The following EHMT1 variants were observed in gnomAD, a reference collection of about 807,000 sequenced individuals.
The protein encoded by EHMT1 is histone-lysine N-methyltransferase EHMT1.
In EHMT1, 15 loss-of-function variants were observed where a neutral mutation model predicts 147.2. The observed-to-expected ratio is 0.10, with a 90% confidence interval of 0.07 to 0.16. The LOEUF is 0.16. EHMT1 is among the 10% of genes least tolerant of loss of function. The pLI is 1.00. For missense variants in EHMT1, 1,587 were observed against 1,772.4 expected (o/e 0.90, Z 1.88); for synonymous variants, 795 against 709.6 (o/e 1.12, Z -1.91).
At chr9:137,729,053 G>A (rs1458392752) in intron 4 of EHMT1, among the ~76,000 whole-genome samples, 3 of 152,188 alleles carry the variant, frequency 2.0e-5, no homozygotes, top group African/African-American at 7.2e-5. Context: ...GAGGTGCTGG[G>A]AGGGCACCGG....
chr9:137,783,668 G>A (rs1199300099), intron 15 of EHMT1, among the ~76,000 whole-genome samples: 1 of 152,122 alleles, frequency 6.6e-6, no homozygotes, highest in African/African-American at 2.4e-5. Flanking sequence ...GGGCCCCCAG[G>A]CCCCACTGTC....
chr9:137,661,545 G>A (rs1338948815), intron 1 of EHMT1, among the ~76,000 whole-genome samples: 1 of 150,340 alleles, frequency 6.7e-6, no homozygotes, highest in Non-Finnish European at 1.5e-5. Flanking sequence ...GAGTGCAGTG[G>A]CGCAATCTCG....
Position 137,671,031 on chromosome 9 carries a change from TA to T in EHMT1, c.22-39934del, listed in dbSNP as rs1414410492. ...AAGCCGCTGTGCACGTGGTTGAATG[TA>T]ACAGAGGGCTGTCCCGGGCCGTGAG... On this transcript the variant is annotated intron_variant, in intron 1 of 26. Coordinates refer to ENST00000460843, the MANE Select transcript of EHMT1 (RefSeq NM_024757.5). Among the ~76,000 whole-genome samples, 4 of 152,208 alleles carry T rather than the reference TA, an allele frequency of 2.6e-5. No individual in the cohort carries two copies. In the East Asian group the frequency reaches 7.7e-4, roughly 29 times the overall value.
intron 16 of EHMT1, among the ~76,000 whole-genome samples, chr9:137,794,116 C>T (rs1396635514): frequency 6.6e-6 from 1 of 152,154 alleles, no homozygotes; most frequent in Non-Finnish European, 1.5e-5. Context: ...ACTCCTGCCT[C>T]ATGTCACATT....
intron 1 of EHMT1, among the ~76,000 whole-genome samples, chr9:137,702,132 G>A (rs1943891871): frequency 6.6e-6 from 1 of 152,052 alleles, no homozygotes; most frequent in Non-Finnish European, 1.5e-5. Context: ...GTTTCACCAT[G>A]TTGGTCAGGC....
intron 1 of EHMT1, among the ~76,000 whole-genome samples, chr9:137,623,662 C>T (rs556595789): frequency 3.3e-5 from 5 of 152,250 alleles, no homozygotes. Flanking sequence ...CTCAGGTGAC[C>T]TGCCCACTTC....
intron 1 of EHMT1, among the ~76,000 whole-genome samples, chr9:137,643,453 G>T (rs1844650366): frequency 6.7e-6 from 1 of 148,730 alleles, no homozygotes; most frequent in South Asian, 2.1e-4. Flanking sequence ...CCATCCTCCT[G>T]CCTCAGCCTT....
rs1950960859 is a variant in EHMT1, at chr9:137,776,413, T to G, written c.1792-205T>G. On this transcript the variant is annotated intron_variant, in intron 11 of 26. Coordinates refer to ENST00000460843, the MANE Select transcript of EHMT1 (RefSeq NM_024757.5). The surrounding 1 kb of genome is among the most constrained non-coding windows in gnomAD (Gnocchi z 4.4). ...AAGTGACCTCTGTCTGGCTTCAGCT[T>G]CTTCTCTGTGGGGCGAGAGCACCAC... 1.9e-6 allele frequency: 1 copy of G among 537,334 alleles called. No individual in the cohort carries two copies. The allele number at this position is 537,334 out of a possible 1,614,324, so 33.3% of individuals were successfully genotyped here.
At chr9:137,829,088 C>T (rs1203118885) in intron 25 of EHMT1, among the ~76,000 whole-genome samples, 6 of 152,220 alleles carry the variant, frequency 3.9e-5, no homozygotes, top group Admixed American at 2.0e-4. Context: ...GTCTCACAGA[C>T]GTTGCCACTG....
intron 17 of EHMT1, 67 bp from the exon 18 acceptor site, chr9:137,800,813 G>T: frequency 7.0e-7 from 1 of 1,425,970 alleles, no homozygotes; most frequent in Non-Finnish European, 9.9e-7. Flanking sequence ...CTCGGCGTGG[G>T]AGTCCTCATT....
At chr9:137,798,123 C>T (rs1286143264) in intron 16 of EHMT1, among the ~76,000 whole-genome samples, 1 of 152,176 alleles carries the variant, frequency 6.6e-6, no homozygotes, top group Non-Finnish European at 1.5e-5. Context: ...GCCTGTAATC[C>T]CAGCACTGTA....
At position 137,813,009 on chromosome 9, in the gene EHMT1, C is replaced by G. The variant is rs1200280724; in HGVS notation, c.2871C>G (p.Leu957=). The change falls in exon 20 of 27, where the codon CTC becomes CTG. Residue 957 remains leucine (L), a synonymous_variant. Transcript: ENST00000460843. The surrounding 1 kb of genome is among the most constrained non-coding windows in gnomAD (Gnocchi z 4.9). The part of the protein sequence containing the change: ...ARENRYDCVV[L]FLSRDSDVTL... ...GGCCTTACATTTTCCCTTTTAGCCT[C>G]TTTCTTTCTCGGGATTCAGATGTCA... 9 of 1,613,938 alleles carry G rather than the reference C, an allele frequency of 5.6e-6. No individual in the cohort carries two copies. The highest frequency in any genetic ancestry group is 7.6e-6 in the Non-Finnish European group (9 of 1,180,030).
chr9:137,721,976 C>T (rs926507297), intron 3 of EHMT1, among the ~76,000 whole-genome samples: 3 of 141,588 alleles, frequency 2.1e-5, no homozygotes, highest in Admixed American at 6.8e-5. Flanking sequence ...CTCAATTTCT[C>T]TAATTTTTTT....
At chr9:137,718,085 A>G (rs1357995953) in intron 3 of EHMT1, among the ~76,000 whole-genome samples, 4 of 137,940 alleles carry the variant, frequency 2.9e-5, no homozygotes, top group Admixed American at 6.8e-5. Context: ...ATTTTCACAC[A>G]CAGGGCGCGC....
At chr9:137,728,643 C>A in intron 4 of EHMT1, 114 bp downstream of exon 4, 1 of 1,433,514 alleles carries the variant, frequency 7.0e-7, no homozygotes. Flanking sequence ...TGATGAATGA[C>A]TGTTGACGTC....
Position 137,619,379 on chromosome 9 carries a change from G to A in EHMT1, c.21+330G>A, listed in dbSNP as rs192422364. 5.6e-4 allele frequency among the ~76,000 whole-genome samples: 85 copies of A among 151,548 alleles called. No homozygotes were observed. The East Asian group carries it at 0.016, about 29-fold the overall frequency. ...GGACCCCGTGCCGCCGCCGCCGCCC[G>A]CAAGCCGGATCTGCGGGGAGGGCCT... On this transcript the variant is annotated intron_variant, in intron 1 of 26. Coordinates refer to ENST00000460843, the MANE Select transcript of EHMT1 (RefSeq NM_024757.5).
intron 25 of EHMT1, among the ~76,000 whole-genome samples, chr9:137,829,432 A>G (rs529636581): frequency 6.6e-6 from 1 of 152,270 alleles, no homozygotes; most frequent in Non-Finnish European, 1.5e-5. Context: ...TATTTGTTTC[A>G]TCCTTTTTTG....
intron 18 of EHMT1, among the ~76,000 whole-genome samples, chr9:137,807,807 C>T (rs1259083081): frequency 2.0e-5 from 3 of 152,172 alleles, no homozygotes; most frequent in Admixed American, 2.0e-4. Flanking sequence ...CTCACCCAGC[C>T]CACCAATGGC....
At chr9:137,713,890 C>T (rs961728968) in intron 2 of EHMT1, among the ~76,000 whole-genome samples, 8 of 152,066 alleles carry the variant, frequency 5.3e-5, no homozygotes. Flanking sequence ...GCAGAGCTTG[C>T]AGTGGGCAGA....
Sources: gnomAD v4.1 joint callset for allele counts (sites outside exome capture counted in the v4.1 genomes callset) on GRCh38, gnomAD v4.1.1 for gene constraint, Gnocchi (gnomAD v3.1) non-coding constraint, MANE v1.5 for transcripts, NCBI Gene and HGNC (gene_info 2026-07-23, HGNC 2026-07-21) for gene names.